The following PTK2 variants were observed in gnomAD, a reference collection of about 807,000 sequenced individuals.
PTK2 encodes the protein protein tyrosine kinase 2.
In PTK2, 45 loss-of-function variants were observed where a neutral mutation model predicts 150.1. The observed-to-expected ratio is 0.30, with a 90% CI of 0.24 to 0.38. PTK2 has a LOEUF of 0.38. Ranked by LOEUF, PTK2 falls within the 10% of genes least tolerant of loss-of-function variation. PTK2 has a pLI of 1.00. For missense variants in PTK2, 919 were observed against 1,307.3 expected (o/e 0.70, Z 4.58); for synonymous variants, 432 against 449.2 (o/e 0.96, Z 0.48).
intron 15 of PTK2, among the ~76,000 whole-genome samples, chr8:140,761,520 T>G (rs1452146061): frequency 6.6e-6 from 1 of 152,156 alleles, no homozygotes; most frequent in Non-Finnish European, 1.5e-5. Flanking sequence ...CCTAGGAGTT[T>G]TTAAATTTCC....
chr8:140,790,059 G>A (rs1330069028), intron 13 of PTK2, among the ~76,000 whole-genome samples: 1 of 145,886 alleles, frequency 6.9e-6, no homozygotes, highest in East Asian at 1.9e-4. Flanking sequence ...TCATGACATG[G>A]TTTAACACTA....
chr8:140,832,924 G>C (rs567153444), intron 7 of PTK2: 2 of 519,020 alleles, frequency 3.9e-6, no homozygotes, highest in South Asian at 2.8e-5. Flanking sequence ...GGAAAGACCA[G>C]GGCAGGGAAT....
intron 1 of PTK2, among the ~76,000 whole-genome samples, chr8:140,946,626 C>T (rs1266901170): frequency 2.6e-5 from 4 of 152,160 alleles, no homozygotes; most frequent in Non-Finnish European, 5.9e-5. Context: ...CACCCATCTC[C>T]TTTGTATTTA....
intron 31 of PTK2, chr8:140,660,680 C>G: frequency 2.2e-6 from 1 of 450,816 alleles, no homozygotes; most frequent in South Asian, 1.6e-5. Context: ...GAGCCAAGAT[C>G]GTGCCATTGC....
intron 4 of PTK2, among the ~76,000 whole-genome samples, chr8:140,865,703 T>C (rs1267868276): frequency 6.6e-6 from 1 of 152,244 alleles, no homozygotes; most frequent in Non-Finnish European, 1.5e-5. Flanking sequence ...ATATTCTACA[T>C]TGGGTTATTA....
At chr8:140,725,491 C>T (rs999828004) in intron 22 of PTK2, among the ~76,000 whole-genome samples, 50 of 152,294 alleles carry the variant, frequency 3.3e-4, no homozygotes, top group African/African-American at 1.2e-3. Flanking sequence ...GGGTGGGTCC[C>T]CACTTTTCAG....
At chr8:140,843,542 A>G (rs2100123507) in intron 7 of PTK2, among the ~76,000 whole-genome samples, 1 of 151,660 alleles carries the variant, frequency 6.6e-6, no homozygotes, top group African/African-American at 2.4e-5. Flanking sequence ...ACCCTGAAAG[A>G]TGATCACATG....
At chr8:140,839,756 T>C (rs146367289) in intron 7 of PTK2, among the ~76,000 whole-genome samples, 61 of 152,238 alleles carry the variant, frequency 4.0e-4, no homozygotes, top group African/African-American at 1.3e-3. Context: ...ATCAGAAATA[T>C]ATCTGTTGAT....
At chr8:140,684,623 C>T (rs1405013586) in intron 27 of PTK2, among the ~76,000 whole-genome samples, 1 of 152,188 alleles carries the variant, frequency 6.6e-6, no homozygotes, top group Non-Finnish European at 1.5e-5. Context: ...CAGCCACACA[C>T]ACAAAATACC....
intron 2 of PTK2, among the ~76,000 whole-genome samples, chr8:140,923,191 T>C (rs2100168179): frequency 6.6e-6 from 1 of 152,146 alleles, no homozygotes; most frequent in Non-Finnish European, 1.5e-5. Flanking sequence ...AGAGCATAAA[T>C]TCTCCAGGCC....
chr8:140,861,054 T>C (rs1567714674), intron 5 of PTK2, among the ~76,000 whole-genome samples: 1 of 152,226 alleles, frequency 6.6e-6, no homozygotes, highest in Non-Finnish European at 1.5e-5. Flanking sequence ...TCTAAAAGTG[T>C]GCCATGCCAA....
chr8:140,936,993 A>G (rs1456983519), intron 1 of PTK2, among the ~76,000 whole-genome samples: 1 of 152,188 alleles, frequency 6.6e-6, no homozygotes, highest in Non-Finnish European at 1.5e-5. Context: ...AATAGCTAAT[A>G]AAGTAGTTTA....
intron 22 of PTK2, chr8:140,734,639 A>G (rs201968934): frequency 6.6e-6 from 3 of 457,200 alleles, no homozygotes; most frequent in South Asian, 3.2e-5. Context: ...ACAAAGTAGT[A>G]GCCACAAAAT....
intron 10 of PTK2, among the ~76,000 whole-genome samples, chr8:140,809,294 C>T (rs1408789541): frequency 1.3e-5 from 2 of 152,100 alleles, no homozygotes; most frequent in Non-Finnish European, 2.9e-5. Context: ...CTAAACTTGT[C>T]CTTCAAAAAA....
At chr8:140,959,763 T>A (rs1214113422) in intron 1 of PTK2, among the ~76,000 whole-genome samples, 4 of 151,738 alleles carry the variant, frequency 2.6e-5, no homozygotes, top group Non-Finnish European at 2.9e-5. Flanking sequence ...GAGGCCAAGG[T>A]TGGAGGACAG....
At chr8:140,805,245 A>G (rs950934472) in intron 10 of PTK2, among the ~76,000 whole-genome samples, 2 of 152,146 alleles carry the variant, frequency 1.3e-5, no homozygotes, top group African/African-American at 4.8e-5. Flanking sequence ...TTCTTCCTCC[A>G]GGCTTCTTGA....
chr8:140,695,412 A>AT (rs200068174), intron 26 of PTK2, among the ~76,000 whole-genome samples: 1,935 of 136,532 alleles, frequency 0.014, 22 homozygotes, highest in African/African-American at 0.019. Flanking sequence ...AGGTGGTCCT[A>AT]TTTTTTTTTT....
rs780180569 is a variant in PTK2, at chr8:140,746,756, G to C, written c.1518+4C>G. ...CAGAAGGTAAGATTTGGGGATCACA[G>C]TACCTCTCCAAGTGTGCACAGCTCC... On this transcript the variant is annotated splice_donor_region_variant and intron_variant, in intron 18 of 31. Transcript: ENST00000522684. The C allele has an allele frequency of 2.8e-5, 45 of 1,595,816 alleles. No homozygotes were observed. The highest frequency in any genetic ancestry group is 3.7e-5 in the Non-Finnish European group (43 of 1,168,782).
intron 16 of PTK2, among the ~76,000 whole-genome samples, chr8:140,758,191 A>T (rs1227540912): frequency 6.6e-6 from 1 of 152,136 alleles, no homozygotes; most frequent in Non-Finnish European, 1.5e-5. Context: ...TCCTGGGCTC[A>T]AATGATCTTT....
Sources: allele counts gnomAD v4.1 joint callset (sites outside exome capture counted in the v4.1 genomes callset), GRCh38; gene constraint gnomAD v4.1.1; transcripts MANE v1.5; gene names NCBI Gene and HGNC (gene_info 2026-07-23, HGNC 2026-07-21).